SNX24: variants seen among roughly 807,000 people sequenced by gnomAD.
The protein encoded by SNX24 is sorting nexin-24.
Under a neutral mutation model 28.7 loss-of-function variants are expected in SNX24, and 22 were observed. The ratio of observed to expected loss-of-function variants is 0.77; its 90% confidence interval spans 0.55 to 1.10. The LOEUF is 1.10. Ranked by LOEUF, SNX24 falls within the 50% of genes least tolerant of loss-of-function variation. The probability of loss-of-function intolerance (pLI) is 0.00; values close to 1 mark genes in which losing one functional copy is unlikely to be tolerated. For missense variants in SNX24, 221 were observed against 201.1 expected, an observed-to-expected ratio of 1.10 and a Z score of -0.60; for synonymous variants, 69 against 71.5, an observed-to-expected ratio of 0.96 and a Z score of 0.18.
At chr5:122,859,148 T>C (rs1040972304) in intron 1 of SNX24, among the ~76,000 whole-genome samples, 2 of 152,196 alleles carry the variant, frequency 1.3e-5, no homozygotes, top group African/African-American at 4.8e-5. Flanking sequence ...AATAAATGAA[T>C]GAATGAGACC....
chr5:122,896,639 A>G (rs1207434019), intron 1 of SNX24, among the ~76,000 whole-genome samples: 2 of 151,982 alleles, frequency 1.3e-5, no homozygotes, highest in African/African-American at 4.8e-5. Context: ...TCCTGAATTT[A>G]TTTCTCTCCA....
At chr5:122,877,126 C>T (rs1472622911) in intron 1 of SNX24, among the ~76,000 whole-genome samples, 3 of 152,016 alleles carry the variant, frequency 2.0e-5, no homozygotes, top group African/African-American at 4.8e-5. Context: ...GAGAGGAGGG[C>T]ACATTCTGGT....
At chr5:122,865,731 AAC>A (rs1755690413) in intron 1 of SNX24, among the ~76,000 whole-genome samples, 1 of 152,212 alleles carries the variant, frequency 6.6e-6, no homozygotes, top group Non-Finnish European at 1.5e-5. Flanking sequence ...CAGGTTCTCT[AAC>A]ACACTATTGG....
intron 1 of SNX24, among the ~76,000 whole-genome samples, chr5:122,899,676 T>G (rs1421995616): frequency 6.6e-6 from 1 of 152,134 alleles, no homozygotes; most frequent in Non-Finnish European, 1.5e-5. Context: ...CCCAAAGTGC[T>G]GAAATTACAG....
chr5:122,882,511 C>T (rs1415605551), intron 1 of SNX24, among the ~76,000 whole-genome samples: 1 of 152,228 alleles, frequency 6.6e-6, no homozygotes, highest in Admixed American at 6.5e-5. Context: ...CTAGGCCTTC[C>T]GGCCTTGGCA....
intron 1 of SNX24, among the ~76,000 whole-genome samples, chr5:122,852,634 T>C (rs916947477): frequency 7.2e-5 from 11 of 152,252 alleles, no homozygotes; most frequent in Non-Finnish European, 1.2e-4. Context: ...TGAGCCACCA[T>C]GCCCAGCCGC....
chr5:122,979,634 G>A (rs1761312886), intron 3 of SNX24, among the ~76,000 whole-genome samples: 1 of 152,188 alleles, frequency 6.6e-6, no homozygotes, highest in African/African-American at 2.4e-5. Context: ...GATGTCTCCA[G>A]TGAATAACAA....
chr5:122,956,552 C>T (rs1489672410), intron 3 of SNX24, among the ~76,000 whole-genome samples: 1 of 152,090 alleles, frequency 6.6e-6, no homozygotes, highest in African/African-American at 2.4e-5. Context: ...AAGGTGTATG[C>T]CCAGAAGTGG....
chr5:122,880,914 C>G (rs1473876720), intron 1 of SNX24, among the ~76,000 whole-genome samples: 1 of 152,244 alleles, frequency 6.6e-6, no homozygotes, highest in African/African-American at 2.4e-5. Flanking sequence ...TTGTCATGCA[C>G]TGAGCATGCC....
intron 3 of SNX24, among the ~76,000 whole-genome samples, chr5:122,959,022 G>A (rs1740487965): frequency 6.6e-6 from 1 of 152,134 alleles, no homozygotes; most frequent in Admixed American, 6.5e-5. Context: ...ATGCGTTAGG[G>A]TGTATTTCCT....
chr5:122,954,384 A>G (rs939860658), intron 3 of SNX24, among the ~76,000 whole-genome samples: 1 of 152,056 alleles, frequency 6.6e-6, no homozygotes. Context: ...AAGAACAAAG[A>G]TGTGTTAAAA....
intron 1 of SNX24, among the ~76,000 whole-genome samples, chr5:122,862,011 G>A (rs1318545262): frequency 6.6e-6 from 1 of 152,186 alleles, no homozygotes; most frequent in East Asian, 1.9e-4. Flanking sequence ...GGTTGCATTG[G>A]TGTTGCGGGG....
At chr5:122,896,654 CA>C (rs1757214832) in intron 1 of SNX24, among the ~76,000 whole-genome samples, 1 of 152,078 alleles carries the variant, frequency 6.6e-6, no homozygotes, top group Admixed American at 6.6e-5. Context: ...TCTCCATGGC[CA>C]AATTCAACAA....
chr5:122,909,882 A>G (rs1379831382), intron 1 of SNX24, among the ~76,000 whole-genome samples: 3 of 152,232 alleles, frequency 2.0e-5, no homozygotes, highest in Non-Finnish European at 2.9e-5. Flanking sequence ...TAGTAATGAC[A>G]AGATTACATT....
At chr5:122,966,596 T>G (rs1760724558) in intron 3 of SNX24, among the ~76,000 whole-genome samples, 1 of 152,190 alleles carries the variant, frequency 6.6e-6, no homozygotes, top group Admixed American at 6.5e-5. Context: ...GGTGGCAGTT[T>G]GGGCAGATAG....
intron 1 of SNX24, among the ~76,000 whole-genome samples, chr5:122,881,499 G>A (rs570689379): frequency 2.0e-5 from 3 of 152,062 alleles, no homozygotes; most frequent in Non-Finnish European, 4.4e-5. Flanking sequence ...GGATTCATAC[G>A]CACATTTAAG....
intron 1 of SNX24, among the ~76,000 whole-genome samples, chr5:122,909,889 C>T (rs981235549): frequency 2.0e-4 from 31 of 152,318 alleles, no homozygotes; most frequent in African/African-American, 7.2e-4. Flanking sequence ...GACAAGATTA[C>T]ATTTCACTGG....
intron 3 of SNX24, among the ~76,000 whole-genome samples, chr5:122,992,752 G>T (rs1761907417): frequency 6.6e-6 from 1 of 152,216 alleles, no homozygotes; most frequent in Non-Finnish European, 1.5e-5. Flanking sequence ...ACCCTGGGAG[G>T]ACAGGACTAT....
At chr5:122,990,878 A>G (rs1370581375) in intron 3 of SNX24, among the ~76,000 whole-genome samples, 1 of 152,160 alleles carries the variant, frequency 6.6e-6, no homozygotes. Context: ...TAGCTAGTTT[A>G]TAATTGTATG....
Sources: allele counts gnomAD v4.1 joint callset (sites outside exome capture counted in the v4.1 genomes callset), GRCh38; gene constraint gnomAD v4.1.1; transcripts MANE v1.5; gene names NCBI Gene and HGNC (gene_info 2026-07-23, HGNC 2026-07-21).